Variants in B3GALT1 observed in about 807,000 individuals in gnomAD.
B3GALT1 encodes the protein beta-1,3-galactosyltransferase 1.
In B3GALT1, 10 loss-of-function variants were observed where a neutral mutation model predicts 23.2. The observed-to-expected ratio is 0.43, with a 90% CI of 0.27 to 0.73. The LOEUF (loss-of-function observed/expected upper bound fraction) is 0.73. Ranked by LOEUF, B3GALT1 falls within the 30% of genes least tolerant of loss-of-function variation. The probability of loss-of-function intolerance (pLI) is 0.21; values close to 1 mark genes in which losing one functional copy is unlikely to be tolerated. For missense variants in B3GALT1, 299 were observed against 405.4 expected (o/e 0.74, Z 2.25); for synonymous variants, 156 against 141.5 (o/e 1.10, Z -0.73).
chr2:167,610,052 A>G (rs1380592555), intron 2 of B3GALT1, among the ~76,000 whole-genome samples: 1 of 152,136 alleles, frequency 6.6e-6, no homozygotes, highest in East Asian at 1.9e-4. Flanking sequence ...TGCAAAAAAA[A>G]TATTTTTTTG....
intron 2 of B3GALT1, among the ~76,000 whole-genome samples, chr2:167,534,246 A>G (rs948055854): frequency 1.3e-5 from 2 of 152,032 alleles, no homozygotes; most frequent in Non-Finnish European, 2.9e-5. Context: ...CTGGAATCTC[A>G]TGTTGATGTA....
At chr2:167,512,234 G>C (rs1421588161) in intron 2 of B3GALT1, among the ~76,000 whole-genome samples, 2 of 151,642 alleles carry the variant, frequency 1.3e-5, no homozygotes, top group East Asian at 3.9e-4. Flanking sequence ...GCTTGCTAAA[G>C]ATATTTTTAA....
chr2:167,338,345 G>A (rs917626636), intron 1 of B3GALT1, among the ~76,000 whole-genome samples: 6 of 151,976 alleles, frequency 3.9e-5, no homozygotes, highest in South Asian at 2.1e-4. Context: ...AATTAATCAC[G>A]GTAGAATGTA....
intron 2 of B3GALT1, among the ~76,000 whole-genome samples, chr2:167,602,904 G>A (rs1684900051): frequency 6.6e-6 from 1 of 152,222 alleles, no homozygotes; most frequent in East Asian, 1.9e-4. Context: ...GAGATCAGCA[G>A]CACCCCTTGT....
At chr2:167,442,581 T>C (rs1384621023) in intron 1 of B3GALT1, among the ~76,000 whole-genome samples, 1 of 151,744 alleles carries the variant, frequency 6.6e-6, no homozygotes. Flanking sequence ...CTAACTGGTG[T>C]CAGATGGTAT....
Position 167,798,935 on chromosome 2 carries a change from C to T in B3GALT1, c.-351-19737C>T, listed in dbSNP as rs532503508. Among the ~76,000 whole-genome samples, 11 of 152,132 alleles carry T rather than the reference C, an allele frequency of 7.2e-5. No individual in the cohort carries two copies. In the East Asian group the frequency reaches 1.4e-3, roughly 19 times the overall value. On this transcript the variant is annotated intron_variant, in intron 3 of 4. Coordinates refer to ENST00000392690, the MANE Select transcript of B3GALT1 (RefSeq NM_020981.4). ...CTGTTGTCTTCTTGAGGGTATGACC[C>T]GTTATTTAGTCATTCCCAGTAGATA...
intron 2 of B3GALT1, among the ~76,000 whole-genome samples, chr2:167,589,684 T>C (rs1386629211): frequency 6.6e-6 from 1 of 152,164 alleles, no homozygotes; most frequent in Non-Finnish European, 1.5e-5. Flanking sequence ...AGTACTACTT[T>C]TAGGGATTTT....
rs570420971 is a variant in B3GALT1, at chr2:167,673,658, A to G, written c.-352+26692A>G. ...TCAACACTAAAATCCTTATATTGAG[A>G]ACCCAAAAGGGTCTTAAACAAATAC... On this transcript the variant is annotated intron_variant, in intron 3 of 4. Coordinates refer to ENST00000392690, the MANE Select transcript of B3GALT1 (RefSeq NM_020981.4). 7.9e-5 allele frequency among the ~76,000 whole-genome samples: 12 copies of G among 152,128 alleles called. 1 individual carries two copies. In the South Asian group the frequency reaches 2.5e-3, roughly 31 times the overall value.
intron 3 of B3GALT1, among the ~76,000 whole-genome samples, chr2:167,689,917 T>C (rs1686682520): frequency 6.6e-6 from 1 of 152,160 alleles, no homozygotes; most frequent in Non-Finnish European, 1.5e-5. Flanking sequence ...TTGGCATTAC[T>C]TGATATTGAA....
intron 2 of B3GALT1, among the ~76,000 whole-genome samples, chr2:167,517,932 T>TA (rs1475718553): frequency 6.6e-6 from 1 of 152,240 alleles, no homozygotes; most frequent in East Asian, 1.9e-4. Flanking sequence ...CTCAAGTCTA[T>TA]AAAAAACATT....
intron 1 of B3GALT1, among the ~76,000 whole-genome samples, chr2:167,446,750 G>A (rs1699002193): frequency 6.6e-6 from 1 of 152,106 alleles, no homozygotes; most frequent in African/African-American, 2.4e-5. Context: ...GGTTATTCTA[G>A]TTAGCCATTT....
chr2:167,702,107 A>G (rs1686889637), intron 3 of B3GALT1, among the ~76,000 whole-genome samples: 1 of 152,212 alleles, frequency 6.6e-6, no homozygotes, highest in African/African-American at 2.4e-5. Flanking sequence ...GCTTATAAGT[A>G]TCTCTGTGTG....
At chr2:167,811,846 T>A (rs907482462) in intron 3 of B3GALT1, among the ~76,000 whole-genome samples, 1 of 152,184 alleles carries the variant, frequency 6.6e-6, no homozygotes, top group African/African-American at 2.4e-5. Context: ...AGGAGGATTG[T>A]TTTCCCAGCA....
intron 1 of B3GALT1, among the ~76,000 whole-genome samples, chr2:167,424,549 GTGTGTGTGTGTGTT>G (rs1315342516): frequency 4.8e-4 from 73 of 151,504 alleles, no homozygotes; most frequent in African/African-American, 9.9e-4. Flanking sequence ...CTCTACATTA[GTGTGTGTGTGTGTT>G]TGTGTGTGTG....
At chr2:167,586,362 C>T (rs973246504) in intron 2 of B3GALT1, among the ~76,000 whole-genome samples, 5 of 152,124 alleles carry the variant, frequency 3.3e-5, no homozygotes, top group African/African-American at 9.7e-5. Flanking sequence ...TGCAGTGGCA[C>T]GATCTCGGCT....
intron 1 of B3GALT1, among the ~76,000 whole-genome samples, chr2:167,344,916 G>C (rs192247073): frequency 2.0e-5 from 3 of 152,072 alleles, no homozygotes; most frequent in African/African-American, 7.2e-5. Context: ...GCAAGATAAG[G>C]TTAGTGATTT....
chr2:167,348,784 C>T, intron 1 of B3GALT1, among the ~76,000 whole-genome samples: 1 of 152,120 alleles, frequency 6.6e-6, no homozygotes. Flanking sequence ...AAAGTGCTTG[C>T]CCTTCCTCTG....
intron 2 of B3GALT1, among the ~76,000 whole-genome samples, chr2:167,566,937 G>C (rs939364413): frequency 6.6e-6 from 1 of 152,130 alleles, no homozygotes; most frequent in Admixed American, 6.6e-5. Context: ...TGAATCCCCC[G>C]GGTATTTATT....
rs542080353 is a variant in B3GALT1 at position 167,713,874 on chromosome 2, G to A, written c.-352+66908G>A. ...AAATCCCTTGATAGAAAATAACCTC[G>A]TGAAGCTCCAAACATGGTTCCTGGA... is the stretch of plus-strand genomic sequence containing the variant. On this transcript the variant is annotated intron_variant, in intron 3 of 4. Coordinates refer to ENST00000392690, the MANE Select transcript of B3GALT1 (RefSeq NM_020981.4). The A allele has an allele frequency of 1.5e-4, 240 of 1,588,520 alleles. 3 individuals are homozygous for A. The South Asian group carries it at 2.0e-3, about 13-fold the overall frequency.
Sources: allele counts gnomAD v4.1 joint callset (sites outside exome capture counted in the v4.1 genomes callset), GRCh38; gene constraint gnomAD v4.1.1; transcripts MANE v1.5; gene names NCBI Gene and HGNC (gene_info 2026-07-23, HGNC 2026-07-21).